Variants in CDYL observed in about 807,000 individuals in gnomAD.
CDYL encodes the protein chromodomain Y like, also known as chromodomain Y-like protein.
CDYL carries 8 observed loss-of-function variants against 47.3 expected under a neutral mutation model. The observed-to-expected ratio is 0.17, with a 90% CI of 0.10 to 0.31. The LOEUF is 0.31. Ranked by LOEUF, CDYL falls within the 10% of genes least tolerant of loss-of-function variation. CDYL has a pLI of 1.00. For synonymous variants in CDYL, 266 were observed against 265.0 expected, an observed-to-expected ratio of 1.00 and a Z score of -0.04; for missense variants, 471 against 701.4, an observed-to-expected ratio of 0.67 and a Z score of 3.71.
At chr6:4,766,891 C>G (rs1228317956) in intron 3 of CDYL, among the ~76,000 whole-genome samples, 1 of 152,014 alleles carries the variant, frequency 6.6e-6, no homozygotes, top group Non-Finnish European at 1.5e-5. Context: ...GTCTCAGCTA[C>G]TTGGGGGGAG....
At chr6:4,945,983 C>A (rs2127526245) in intron 5 of CDYL, among the ~76,000 whole-genome samples, 1 of 152,374 alleles carries the variant, frequency 6.6e-6, no homozygotes, top group South Asian at 2.1e-4. Flanking sequence ...ATGCCCATGC[C>A]TGTTGGAGCC....
At chr6:4,949,475 A>G (rs1758631072) in intron 5 of CDYL, among the ~76,000 whole-genome samples, 1 of 152,186 alleles carries the variant, frequency 6.6e-6, no homozygotes, top group South Asian at 2.1e-4. Context: ...CTCTGGCCAA[A>G]CTAAAAAGAC....
At chr6:4,937,451 A>T in intron 3 of CDYL, 114 bp from the exon 4 acceptor site, 1 of 748,548 alleles carries the variant, frequency 1.3e-6, no homozygotes. Context: ...AGCCTTGATT[A>T]AACCACTGCA....
At chr6:4,875,819 C>T (rs1232862492) in intron 1 of CDYL, among the ~76,000 whole-genome samples, 2 of 152,084 alleles carry the variant, frequency 1.3e-5, no homozygotes, top group Non-Finnish European at 2.9e-5. Context: ...CAAAGAATGT[C>T]GTTTTACTAT....
chr6:4,815,554 T>A (rs1349617725), intron 1 of CDYL, among the ~76,000 whole-genome samples: 4 of 152,218 alleles, frequency 2.6e-5, no homozygotes, highest in Non-Finnish European at 4.4e-5. Flanking sequence ...TTGTTCATAC[T>A]CACAGATTGA....
chr6:4,841,453 G>T (rs2127459041), intron 1 of CDYL, among the ~76,000 whole-genome samples: 1 of 152,130 alleles, frequency 6.6e-6, no homozygotes, highest in East Asian at 1.9e-4. Context: ...GTTTGTTCTT[G>T]TTTTTATGAT....
upstream of CDYL, among the ~76,000 whole-genome samples, chr6:4,771,739 G>A (rs1312423399): frequency 6.6e-6 from 1 of 152,190 alleles, no homozygotes; most frequent in Non-Finnish European, 1.5e-5. Flanking sequence ...GTCTAGAAAT[G>A]GAAAGGTAAA....
intron 1 of CDYL, among the ~76,000 whole-genome samples, chr6:4,806,601 C>T (rs1759377654): frequency 6.6e-6 from 1 of 152,206 alleles, no homozygotes; most frequent in African/African-American, 2.4e-5. Flanking sequence ...AGGCTGTATT[C>T]ACACTGCACG....
At chr6:4,758,340 GA>G in intron 3 of CDYL, among the ~76,000 whole-genome samples, 1 of 87,528 alleles carries the variant, frequency 1.1e-5, no homozygotes, top group Non-Finnish European at 2.2e-5. Context: ...CTCATGTCTT[GA>G]AAATAAATAA....
chr6:4,752,291 G>T (rs1200470353), intron 3 of CDYL, among the ~76,000 whole-genome samples: 2 of 152,272 alleles, frequency 1.3e-5, no homozygotes, highest in East Asian at 3.9e-4. Flanking sequence ...GATGAATGTT[G>T]TGAAGGGCAA....
At chr6:4,729,344 T>C (rs1298275185) in intron 2 of CDYL, among the ~76,000 whole-genome samples, 2 of 152,134 alleles carry the variant, frequency 1.3e-5, no homozygotes, top group East Asian at 3.8e-4. Flanking sequence ...AAACTTTGCG[T>C]GCATATACAC....
chr6:4,834,568 C>T (rs559617969), intron 1 of CDYL, among the ~76,000 whole-genome samples: 4 of 149,508 alleles, frequency 2.7e-5, no homozygotes, highest in Admixed American at 6.7e-5. Context: ...TTGCTCTTCT[C>T]GAGGAGTATC....
At chr6:4,933,743 T>C (rs1234282636) in intron 2 of CDYL, among the ~76,000 whole-genome samples, 1 of 152,212 alleles carries the variant, frequency 6.6e-6, no homozygotes, top group Non-Finnish European at 1.5e-5. Flanking sequence ...CCCAGTGGTC[T>C]CCAGTTAGAA....
chr6:4,923,917 A>T (rs1757793344), intron 2 of CDYL, among the ~76,000 whole-genome samples: 1 of 121,438 alleles, frequency 8.2e-6, no homozygotes, highest in African/African-American at 3.0e-5. Flanking sequence ...AAAAAAAAAA[A>T]TCAAAAAAAA....
At chr6:4,787,151 A>G (rs1157873438) in intron 1 of CDYL, among the ~76,000 whole-genome samples, 2 of 152,208 alleles carry the variant, frequency 1.3e-5, no homozygotes, top group Non-Finnish European at 2.9e-5. Flanking sequence ...TTAGTCCTCT[A>G]ACTTCTCTCT....
At chr6:4,789,723 C>T (rs28481832) in intron 1 of CDYL, among the ~76,000 whole-genome samples, 10,238 of 152,252 alleles carry the variant, frequency 0.067, 391 homozygotes, top group East Asian at 0.12. Flanking sequence ...CCCTAGCTCT[C>T]CTGCCTTTGG....
At chr6:4,778,153 G>A (rs1280618797) in intron 1 of CDYL, among the ~76,000 whole-genome samples, 1 of 152,190 alleles carries the variant, frequency 6.6e-6, no homozygotes, top group Non-Finnish European at 1.5e-5. Context: ...AGGCTAGGAT[G>A]TTTGAGGTTG....
chr6:4,828,200 C>G (rs1021880997), intron 1 of CDYL, among the ~76,000 whole-genome samples: 2 of 146,704 alleles, frequency 1.4e-5, no homozygotes, highest in Admixed American at 6.8e-5. Flanking sequence ...TCAGTTTCAA[C>G]GTTAGTTTGC....
rs546940595 is a variant in CDYL, at chr6:4,950,475, C to T, written c.1333-1791C>T. 2.0e-5 allele frequency among the ~76,000 whole-genome samples: 3 copies of T among 152,310 alleles called. No homozygotes were observed. The South Asian group carries it at 6.2e-4, about 32-fold the overall frequency. On this transcript the variant is annotated intron_variant, in intron 5 of 6. Transcript: ENST00000397588. ...AGCACTTCGTGCGGCAGCAGCACACCGGGAGTCCCACTCCCTTTCCTGCTG... is the reference window on the plus strand; with the variant it reads ...AGCACTTCGTGCGGCAGCAGCACACTGGGAGTCCCACTCCCTTTCCTGCTG...
Sources: allele counts gnomAD v4.1 joint callset (sites outside exome capture counted in the v4.1 genomes callset), GRCh38; gene constraint gnomAD v4.1.1; transcripts MANE v1.5; gene names NCBI Gene and HGNC (gene_info 2026-07-23, HGNC 2026-07-21).